Variants in MDM4 observed in about 807,000 individuals in gnomAD.
MDM4 encodes MDM4 regulator of p53.
A neutral mutation model predicts 60.2 loss-of-function variants in MDM4; 2 were observed. The observed-to-expected ratio is 0.03, with a 90% CI of 0.01 to 0.10. The LOEUF (loss-of-function observed/expected upper bound fraction) is 0.10. Ranked by LOEUF, MDM4 falls within the 10% of genes least tolerant of loss-of-function variation. The pLI is 1.00. For missense variants in MDM4, 447 were observed against 577.5 expected, an observed-to-expected ratio of 0.77 and a Z score of 2.32; for synonymous variants, 202 against 198.1, an observed-to-expected ratio of 1.02 and a Z score of -0.17.
chr1:204,519,306 A>G (rs1405936074), intron 1 of MDM4, among the ~76,000 whole-genome samples: 2 of 152,156 alleles, frequency 1.3e-5, no homozygotes, highest in Admixed American at 6.6e-5. Context: ...GTTCGAGACC[A>G]GCCTGACCAA....
In MDM4 at chr1:204,530,675, T is replaced by G; in HGVS notation, c.154-9T>G. The G allele has an allele frequency of 6.2e-7, 1 of 1,614,150 alleles. No homozygotes were observed. Among genetic ancestry groups the G allele is most frequent in the Non-Finnish European group, 8.5e-7 (1 of 1,179,998 alleles). ...GACAGATCACAACATGGTATTTTAT[T>G]CCATGCAGGTCATGCACTATTTAGG... On this transcript the variant is annotated splice_polypyrimidine_tract_variant and intron_variant, in intron 3 of 10. Coordinates refer to ENST00000367182, the MANE Select transcript of MDM4 (RefSeq NM_002393.5).
At chr1:204,524,378 T>G (rs1040916837) in intron 1 of MDM4, among the ~76,000 whole-genome samples, 1 of 152,228 alleles carries the variant, frequency 6.6e-6, no homozygotes, top group African/African-American at 2.4e-5. Context: ...CCTATTCTAG[T>G]CGCCATTTAC....
chr1:204,529,985 T>C (rs2102347623), intron 3 of MDM4, among the ~76,000 whole-genome samples: 1 of 152,270 alleles, frequency 6.6e-6, no homozygotes, highest in East Asian at 1.9e-4. Flanking sequence ...CAAGTGATCC[T>C]CCCGCCTCAG....
chr1:204,518,155 C>T lies in MDM4; in HGVS notation c.-36+1646C>T, dbSNP rs4252673. Among the ~76,000 whole-genome samples, 1,103 of 152,046 alleles carry T rather than the reference C, an allele frequency of 7.3e-3. 8 individuals carry two copies. Among genetic ancestry groups the T allele is most frequent in the Middle Eastern group, 0.017 (5 of 294 alleles). Reference sequence around the variant, plus strand: ...TAGGCGACAGCGCGAGAGCCTGTCTCAAAAAAAGAGATGAGGTCTCACTGT... The same window carrying T: ...TAGGCGACAGCGCGAGAGCCTGTCTTAAAAAAAGAGATGAGGTCTCACTGT... On this transcript the variant is annotated intron_variant, in intron 1 of 10. Transcript: ENST00000367182.
rs144761202 is a variant in MDM4 at position 204,542,818 on chromosome 1, A to G, written c.546A>G (p.Glu182=). 3.6e-4 allele frequency: 573 copies of G among 1,612,244 alleles called. No homozygotes were observed. Among genetic ancestry groups the G allele is most frequent in the Non-Finnish European group, 4.6e-4 (542 of 1,179,488 alleles). The change falls in exon 8 of 11, where the codon GAA becomes GAG. Residue 182 remains glutamate, a synonymous_variant. Coordinates refer to ENST00000367182, the MANE Select transcript of MDM4 (RefSeq NM_002393.5). ...TAATTGAAAATTTAGCCCAAGATGA[A>G]ACATCTAGGCTGGACCTTGGATTTG... ...EDLIENLAQD[E]TSRLDLGFEE... is the part of the protein sequence containing the mutation.
intron 3 of MDM4, among the ~76,000 whole-genome samples, chr1:204,530,274 T>C (rs922477263): frequency 2.0e-5 from 3 of 152,260 alleles, no homozygotes; most frequent in Admixed American, 6.5e-5. Flanking sequence ...AAAAGAATTA[T>C]TATGTGAACA....
chr1:204,540,917 A>G (rs957083091), intron 7 of MDM4, among the ~76,000 whole-genome samples: 16 of 152,176 alleles, frequency 1.1e-4, no homozygotes, highest in Admixed American at 5.9e-4. Context: ...TTAAGCCTCT[A>G]GTTATGTCTG....
chr1:204,525,156 T>G (rs1384256648), intron 1 of MDM4, among the ~76,000 whole-genome samples: 1 of 152,208 alleles, frequency 6.6e-6, no homozygotes, highest in Non-Finnish European at 1.5e-5. Context: ...GTGCTCTACC[T>G]GATAACCATT....
At position 204,553,459 on chromosome 1, in the gene MDM4, G is replaced by T. The variant is rs1213123910; in HGVS notation, c.*3777G>T. On this transcript the variant is annotated 3_prime_UTR_variant, in exon 11 of 11. Transcript: ENST00000367182. ...TTTCACTTTCAAACCTCTTCATTTG[G>T]ATGTTAAATTATATGGTCACCTAGT... The T allele has an allele frequency of 8.9e-6, 2 of 225,760 alleles. No individual in the cohort carries two copies. Among genetic ancestry groups the T allele is most frequent in the African/African-American group, 2.2e-5 (1 of 44,948 alleles). The allele number at this position is 225,760 out of a possible 1,614,324, so 14.0% of individuals were successfully genotyped here.
In MDM4 at chr1:204,551,130, C is replaced by T. The variant is rs941034412; in HGVS notation, c.*1448C>T. ...CAATCACAGTTCACTGCAGCCTCGA[C>T]CTCCCAGATCCAAGCAATCCTCCCA... On this transcript the variant is annotated 3_prime_UTR_variant, in exon 11 of 11. Coordinates refer to ENST00000367182, the MANE Select transcript of MDM4 (RefSeq NM_002393.5). 1.1e-4 allele frequency: 21 copies of T among 190,796 alleles called. No individual in the cohort carries two copies. The highest frequency in any genetic ancestry group is 3.9e-4 in the African/African-American group (17 of 43,052). The allele number at this position is 190,796 out of a possible 1,614,324, so 11.8% of individuals were successfully genotyped here.
At chr1:204,539,681 C>T (rs552292905) in intron 7 of MDM4, among the ~76,000 whole-genome samples, 3 of 151,916 alleles carry the variant, frequency 2.0e-5, no homozygotes, top group East Asian at 2.0e-4. Context: ...GGATTACAGG[C>T]GTGCACCACT....
intron 8 of MDM4, among the ~76,000 whole-genome samples, 174 bp downstream of exon 8, chr1:204,543,118 C>T (rs1483992914): frequency 6.6e-6 from 1 of 152,210 alleles, no homozygotes; most frequent in African/African-American, 2.4e-5. Context: ...TACCTCTTCC[C>T]TAAATGCCCA....
intron 10 of MDM4, among the ~76,000 whole-genome samples, 175 bp downstream of exon 10, chr1:204,547,052 A>G (rs950434345): frequency 6.6e-6 from 1 of 152,200 alleles, no homozygotes; most frequent in Non-Finnish European, 1.5e-5. Flanking sequence ...TTGGAACTTA[A>G]GAAGGGAAGG....
At chr1:204,531,850 C>G (rs184695768) in intron 4 of MDM4, among the ~76,000 whole-genome samples, 1 of 151,956 alleles carries the variant, frequency 6.6e-6, no homozygotes, top group Non-Finnish European at 1.5e-5. Flanking sequence ...AAAAGACTCC[C>G]CTCCACCCCC....
Position 204,517,467 on chromosome 1 carries a change from G to A in MDM4, c.-36+958G>A, listed in dbSNP as rs1436670803. ...TGCCCAGGCTGGCGTGCAGTGGCGC[G>A]ATCTTGGCTCACTGCAACTTCTGCC... On this transcript the variant is annotated intron_variant, in intron 1 of 10. Coordinates refer to ENST00000367182, the MANE Select transcript of MDM4 (RefSeq NM_002393.5). Among the ~76,000 whole-genome samples the A allele has an allele frequency of 2.6e-5, 4 of 151,658 alleles. No individual in the cohort carries two copies. In the East Asian group the frequency reaches 5.9e-4, roughly 22 times the overall value.
chr1:204,522,684 C>T (rs766685487), intron 1 of MDM4, among the ~76,000 whole-genome samples: 3 of 152,070 alleles, frequency 2.0e-5, no homozygotes, highest in South Asian at 2.1e-4. Context: ...AGATTATAGG[C>T]GTGAGCCACC....
intron 5 of MDM4, 127 bp downstream of exon 5, chr1:204,532,373 A>T (rs758861743): frequency 2.4e-5 from 16 of 666,668 alleles, no homozygotes; most frequent in Non-Finnish European, 4.0e-5. Context: ...AGAAATACAT[A>T]CTACCTGTCA....
intron 5 of MDM4, chr1:204,532,791 A>T (rs1224604813): frequency 2.5e-6 from 4 of 1,611,554 alleles, no homozygotes; most frequent in Non-Finnish European, 3.4e-6. Context: ...TGTTCTGTAG[A>T]ATTTCCCACG....
chr1:204,540,997 C>A (rs1288121483), intron 7 of MDM4, among the ~76,000 whole-genome samples: 37 of 152,220 alleles, frequency 2.4e-4, no homozygotes, highest in Admixed American at 2.4e-3. Context: ...GGATTGTTTT[C>A]TTTACATTGC....
Sources: allele counts gnomAD v4.1 joint callset (sites outside exome capture counted in the v4.1 genomes callset), GRCh38; gene constraint gnomAD v4.1.1; transcripts MANE v1.5; gene names NCBI Gene and HGNC (gene_info 2026-07-23, HGNC 2026-07-21).